Variants in PTPRM observed in about 807,000 individuals in gnomAD.
PTPRM encodes the protein protein tyrosine phosphatase receptor type M.
PTPRM carries 47 observed loss-of-function variants against 186.7 expected under a neutral mutation model. The observed-to-expected ratio is 0.25, with a 90% confidence interval of 0.20 to 0.32. The LOEUF is 0.32. PTPRM is among the 10% of genes least tolerant of loss of function. The pLI is 1.00. For synonymous variants in PTPRM, 668 were observed against 674.9 expected (o/e 0.99, Z 0.16); for missense variants, 1,494 against 1,865.0 (o/e 0.80, Z 3.66).
chr18:7,815,310 C>G (rs555049079), intron 2 of PTPRM: 181 of 152,312 alleles, frequency 1.2e-3, no homozygotes, highest in African/African-American at 3.9e-3. Context: ...CCGCAGTACC[C>G]GAATAAAGCC....
At chr18:8,104,907 A>T (rs761764106) in intron 11 of PTPRM, among the ~76,000 whole-genome samples, 6 of 152,222 alleles carry the variant, frequency 3.9e-5, no homozygotes, top group Non-Finnish European at 7.3e-5. Flanking sequence ...AAGAATCAAT[A>T]AATTAAGGAT....
intron 14 of PTPRM, among the ~76,000 whole-genome samples, chr18:8,170,041 G>A (rs1175096788): frequency 6.6e-6 from 1 of 152,124 alleles, no homozygotes; most frequent in Non-Finnish European, 1.5e-5. Flanking sequence ...ACCCAGATAG[G>A]TTCGATGCTT....
chr18:8,302,952 C>A (rs932659378), intron 20 of PTPRM, among the ~76,000 whole-genome samples: 1 of 152,094 alleles, frequency 6.6e-6, no homozygotes, highest in African/African-American at 2.4e-5. Context: ...CGATGCCAAG[C>A]AGACAGTTCT....
At chr18:7,624,215 C>T (rs1450673703) in intron 1 of PTPRM, among the ~76,000 whole-genome samples, 2 of 152,284 alleles carry the variant, frequency 1.3e-5, no homozygotes, top group Non-Finnish European at 2.9e-5. Flanking sequence ...CTGCTTTTCC[C>T]AGCAACTGCT....
intron 2 of PTPRM, among the ~76,000 whole-genome samples, chr18:7,818,687 G>C (rs1184695051): frequency 6.6e-6 from 1 of 152,212 alleles, no homozygotes; most frequent in Non-Finnish European, 1.5e-5. Flanking sequence ...TCACAGAGTT[G>C]TGGTTGAAAT....
At chr18:7,962,413 C>T (rs1290058111) in intron 7 of PTPRM, among the ~76,000 whole-genome samples, 3 of 152,094 alleles carry the variant, frequency 2.0e-5, no homozygotes, top group African/African-American at 4.8e-5. Flanking sequence ...TTATCTTATA[C>T]CCTGAGAATA....
intron 19 of PTPRM, among the ~76,000 whole-genome samples, chr18:8,278,320 G>A (rs1034887700): frequency 6.6e-6 from 1 of 152,206 alleles, no homozygotes; most frequent in South Asian, 2.1e-4. Context: ...TAACCTGAGT[G>A]CACAATTCCA....
chr18:8,248,339 CT>C (rs761744196), intron 17 of PTPRM, 163 bp downstream of exon 17: 2 of 756,544 alleles, frequency 2.6e-6, no homozygotes, highest in Non-Finnish European at 4.8e-6. Context: ...GAAAAAGAGA[CT>C]TTTCTCTAAA....
chr18:8,156,724 C>T (rs542831829), intron 14 of PTPRM, among the ~76,000 whole-genome samples: 1 of 152,314 alleles, frequency 6.6e-6, no homozygotes, highest in East Asian at 1.9e-4. Context: ...CAACACCGTG[C>T]AGTCATCAGC....
At chr18:8,353,838 T>C (rs748383967) in intron 23 of PTPRM, among the ~76,000 whole-genome samples, 5 of 152,196 alleles carry the variant, frequency 3.3e-5, no homozygotes, top group Non-Finnish European at 7.3e-5. Flanking sequence ...GCATCTACTG[T>C]GTGTTAGGCT....
chr18:8,356,458 G>A (rs2095563731), intron 23 of PTPRM, among the ~76,000 whole-genome samples: 1 of 152,160 alleles, frequency 6.6e-6, no homozygotes, highest in African/African-American at 2.4e-5. Flanking sequence ...CTCTGAGCCT[G>A]CAGAGCAGAG....
chr18:7,718,339 TG>T (rs756330930), intron 1 of PTPRM, among the ~76,000 whole-genome samples: 8 of 152,160 alleles, frequency 5.3e-5, no homozygotes, highest in Non-Finnish European at 8.8e-5. Context: ...TAAATGGTGC[TG>T]GGATAACTGG....
Position 8,296,369 on chromosome 18 carries a change from G to C in PTPRM, c.2756G>C (p.Ser919Thr). Residue 919 changes from serine to threonine, a missense_variant and splice_region_variant, in exon 20 of 33, where the codon AGC becomes ACC. Physicochemically the swap from Ser to Thr is moderately conservative, Grantham distance 58. This residue lies in a region of PTPRM where 1,107 missense variants were observed against 1,350.2 expected (regional missense o/e 0.82). Transcript: ENST00000580170. ...EGYGFKEEYE[S>T]FFEGQSAPWD... ...TTCTCAGTCTCACTTTCCTTCTAGAGCTTCTTTGAAGGGCAGTCTGCACCA... is the reference window on the plus strand; with the variant it reads ...TTCTCAGTCTCACTTTCCTTCTAGACCTTCTTTGAAGGGCAGTCTGCACCA... 6.3e-7 allele frequency: 1 copy of C among 1,597,706 alleles called. No homozygotes were observed. Among genetic ancestry groups the C allele is most frequent in the South Asian group, 1.1e-5 (1 of 90,664 alleles).
intron 7 of PTPRM, among the ~76,000 whole-genome samples, chr18:8,001,533 G>T (rs965444167): frequency 1.4e-5 from 2 of 146,224 alleles, no homozygotes; most frequent in East Asian, 2.0e-4. Flanking sequence ...TGAAAGGTTT[G>T]TTTTTTTTTT....
chr18:8,194,707 G>A lies in PTPRM; in HGVS notation c.2301-49351G>A, dbSNP rs559868858. Among the ~76,000 whole-genome samples the A allele has an allele frequency of 4.6e-5, 7 of 152,320 alleles. No individual in the cohort carries two copies. In the South Asian group the frequency reaches 1.0e-3, roughly 23 times the overall value. Reference sequence around the variant, plus strand: ...TGGCTGTATTCATCCAACATATCCTGTCTGTTCAAAGGAAATGTAGAAATC... The same window carrying A: ...TGGCTGTATTCATCCAACATATCCTATCTGTTCAAAGGAAATGTAGAAATC... On this transcript the variant is annotated intron_variant, in intron 14 of 32. Transcript: ENST00000580170.
intron 23 of PTPRM, among the ~76,000 whole-genome samples, chr18:8,354,863 G>A (rs1005790184): frequency 2.6e-5 from 4 of 152,216 alleles, no homozygotes; most frequent in Non-Finnish European, 5.9e-5. Flanking sequence ...GGAGCAGCGA[G>A]TCACAGGAGA....
chr18:8,169,049 A>G (rs965140755), intron 14 of PTPRM, among the ~76,000 whole-genome samples: 22 of 152,196 alleles, frequency 1.4e-4, no homozygotes, highest in Non-Finnish European at 3.2e-4. Flanking sequence ...ATTTCTCTAT[A>G]AATATCTTAT....
At chr18:8,167,347 G>A (rs1027036373) in intron 14 of PTPRM, among the ~76,000 whole-genome samples, 5 of 152,152 alleles carry the variant, frequency 3.3e-5, no homozygotes, top group Non-Finnish European at 5.9e-5. Flanking sequence ...TTGTTGCTTT[G>A]TGTACACTTC....
At chr18:7,651,823 A>G (rs1458037032) in intron 1 of PTPRM, among the ~76,000 whole-genome samples, 2 of 152,172 alleles carry the variant, frequency 1.3e-5, no homozygotes, top group Non-Finnish European at 2.9e-5. Context: ...AGGCATTACC[A>G]TTCAGGACAT....
Sources: gnomAD v4.1 joint callset for allele counts (sites outside exome capture counted in the v4.1 genomes callset) on GRCh38, gnomAD v4.1.1 for gene constraint, gnomAD v4.1.1 regional missense constraint, MANE v1.5 for transcripts, NCBI Gene and HGNC (gene_info 2026-07-23, HGNC 2026-07-21) for gene names.